Variants in STPG1 observed in about 807,000 individuals in gnomAD.
The protein encoded by STPG1 is sperm tail PG-rich repeat containing 1.
Under a neutral mutation model 40.1 loss-of-function variants are expected in STPG1, and 33 were observed. That is an observed-to-expected ratio of 0.82 (90% CI 0.62 to 1.10). STPG1 has a LOEUF of 1.10. Among genes scored for constraint, STPG1 ranks in the 50% least tolerant of loss-of-function variants. The pLI is 0.00. For synonymous variants in STPG1, 150 were observed against 155.0 expected (o/e 0.97, Z 0.24); for missense variants, 396 against 415.1 (o/e 0.95, Z 0.40).
intron 2 of STPG1, among the ~76,000 whole-genome samples, chr1:24,392,636 G>A (rs1208438937): frequency 6.6e-6 from 1 of 152,204 alleles, no homozygotes; most frequent in African/African-American, 2.4e-5. Flanking sequence ...GATCAGGTTA[G>A]GAAGGCTGTG....
chr1:24,362,698 G>C (rs577371035), intron 7 of STPG1, among the ~76,000 whole-genome samples: 105 of 152,298 alleles, frequency 6.9e-4, no homozygotes, highest in African/African-American at 2.5e-3. Context: ...AAGACTGACA[G>C]GGCCCTTCCA....
At chr1:24,412,752 T>C (rs1643758730) in intron 1 of STPG1, among the ~76,000 whole-genome samples, 1 of 152,150 alleles carries the variant, frequency 6.6e-6, no homozygotes, top group Admixed American at 6.5e-5. Context: ...TCATAAATAT[T>C]GGTGGAATGA....
intron 7 of STPG1, among the ~76,000 whole-genome samples, chr1:24,361,467 T>C (rs1013477494): frequency 1.3e-5 from 2 of 152,018 alleles, no homozygotes; most frequent in Non-Finnish European, 2.9e-5. Flanking sequence ...ATGGACTCAA[T>C]GGGAAGAGGC....
intron 6 of STPG1, 122 bp from the exon 7 acceptor site, chr1:24,369,961 T>C: frequency 1.3e-6 from 1 of 769,948 alleles, no homozygotes. Context: ...GATGGCCAAG[T>C]GGAAGGGCTG....
intron 3 of STPG1, among the ~76,000 whole-genome samples, chr1:24,388,698 A>C (rs1642620961): frequency 6.6e-6 from 1 of 152,366 alleles, no homozygotes; most frequent in African/African-American, 2.4e-5. Flanking sequence ...AGGGTGGTGA[A>C]GCCCTGGAGT....
At position 24,399,460 on chromosome 1, in the gene STPG1, A is replaced by T. The variant is rs554045959; in HGVS notation, c.70+1859T>A. 1.1e-3 allele frequency among the ~76,000 whole-genome samples: 161 copies of T among 152,308 alleles called. No homozygotes were observed. Among genetic ancestry groups the T allele is most frequent in the African/African-American group, 3.7e-3 (153 of 41,588 alleles). The stretch of plus-strand genomic sequence containing the variant: ...GGTAAAATAATAGAGTTTCTAGAAG[A>T]AACTATCTTGGGATGGGCAAAGATT... On this transcript the variant is annotated intron_variant, in intron 2 of 8. Coordinates refer to ENST00000337248, the MANE Select transcript of STPG1 (RefSeq NM_001199013.2). This position sits in a 1 kb window ranked among gnomAD's most constrained non-coding sequence, Gnocchi z 4.0.
Position 24,401,361 on chromosome 1 carries a change from G to T in STPG1, c.28C>A (p.Arg10Ser). 6.2e-7 allele frequency: 1 copy of T among 1,614,074 alleles called. No individual in the cohort carries two copies. The highest frequency in any genetic ancestry group is 8.5e-7 in the Non-Finnish European group (1 of 1,179,970). The change falls in exon 2 of 9, where the codon CGC (arginine) becomes AGC (serine). Residue 10 changes from arginine (R) to serine (S), a missense_variant. Coordinates refer to ENST00000337248, the MANE Select transcript of STPG1 (RefSeq NM_001199013.2). Reference sequence around the variant, plus strand: ...GCACGTCTGGGATGTTTGCCAGTGCGTTCATTTTTCTGTGCAGAGTTGTCC... The same window carrying T: ...GCACGTCTGGGATGTTTGCCAGTGCTTTCATTTTTCTGTGCAGAGTTGTCC... MDNSAQKNE[R>S]TGKHPRRASE...
At chr1:24,381,393 C>G (rs11249097) in intron 4 of STPG1, among the ~76,000 whole-genome samples, 60,350 of 152,060 alleles carry the variant, frequency 0.4, 12,312 homozygotes, top group African/African-American at 0.48. Flanking sequence ...CTACACACCC[C>G]TTGGTTTACT....
chr1:24,412,412 C>A (rs1643729044), intron 1 of STPG1, among the ~76,000 whole-genome samples: 1 of 152,232 alleles, frequency 6.6e-6, no homozygotes, highest in South Asian at 2.1e-4. Flanking sequence ...AAGCACCAAC[C>A]CATCTCTCTC....
intron 7 of STPG1, among the ~76,000 whole-genome samples, chr1:24,362,746 T>A (rs1271786148): frequency 6.6e-6 from 1 of 152,158 alleles, no homozygotes; most frequent in Non-Finnish European, 1.5e-5. Context: ...ACCCCCCTGG[T>A]CAGAGAGGAC....
intron 1 of STPG1, among the ~76,000 whole-genome samples, chr1:24,404,645 A>G (rs1173536173): frequency 6.6e-6 from 1 of 152,136 alleles, no homozygotes; most frequent in Non-Finnish European, 1.5e-5. Flanking sequence ...GAGCTTTGGT[A>G]ATTTGTGTAT....
chr1:24,380,366 C>A (rs1397268891), intron 4 of STPG1, among the ~76,000 whole-genome samples: 1 of 152,170 alleles, frequency 6.6e-6, no homozygotes, highest in Admixed American at 6.5e-5. Context: ...TTAACAGAAC[C>A]AATCCCACCC....
intron 7 of STPG1, chr1:24,364,327 C>T (rs1204166581): frequency 6.5e-7 from 1 of 1,549,452 alleles, no homozygotes; most frequent in Non-Finnish European, 8.7e-7. Flanking sequence ...AAATCCCAGC[C>T]CCACCACCGT....
At chr1:24,405,869 C>T (rs966605098) in intron 1 of STPG1, among the ~76,000 whole-genome samples, 1 of 152,074 alleles carries the variant, frequency 6.6e-6, no homozygotes, top group African/African-American at 2.4e-5. Context: ...TATTAGCACA[C>T]TATATTTTTT....
chr1:24,368,860 A>T (rs978033521), intron 7 of STPG1: 42 of 157,826 alleles, frequency 2.7e-4, no homozygotes, highest in Middle Eastern at 3.3e-3. Flanking sequence ...GTGCACCATC[A>T]TGCCTGGATA....
At position 24,361,166 on chromosome 1, in the gene STPG1, G is replaced by A. The variant is rs1641088451; in HGVS notation, c.738-125C>T. ...GGAAGAGGACTGGTCACGGCACTGG[G>A]GCAGAGCCCTAGCTCCACTGGTAGT... On this transcript the variant is annotated intron_variant, in intron 7 of 8. Transcript: ENST00000337248. The A allele has an allele frequency of 7.4e-6, 6 of 808,336 alleles. No homozygotes were observed. In the East Asian group the frequency reaches 1.7e-4, roughly 23 times the overall value. The allele number at this position is 808,336 out of a possible 1,614,324, so 50.1% of individuals were successfully genotyped here. A position where few individuals can be genotyped will look rare whatever the true frequency, so the allele number is the denominator to read the frequency against.
intron 5 of STPG1, among the ~76,000 whole-genome samples, chr1:24,378,054 C>T (rs989978369): frequency 6.6e-6 from 1 of 150,492 alleles, no homozygotes; most frequent in African/African-American, 2.5e-5. Context: ...CTGATTATGC[C>T]GAGGGAAGAC....
At chr1:24,385,685 CCA>C in intron 3 of STPG1, among the ~76,000 whole-genome samples, 1 of 152,152 alleles carries the variant, frequency 6.6e-6, no homozygotes, top group East Asian at 1.9e-4. Context: ...GGCATTCTGA[CCA>C]CAGAGTCTGC....
intron 7 of STPG1, among the ~76,000 whole-genome samples, chr1:24,361,469 G>C (rs1641112011): frequency 6.6e-6 from 1 of 152,090 alleles, no homozygotes; most frequent in Non-Finnish European, 1.5e-5. Flanking sequence ...GGACTCAATG[G>C]GAAGAGGCCT....
Sources: allele counts gnomAD v4.1 joint callset (sites outside exome capture counted in the v4.1 genomes callset), GRCh38; gene constraint gnomAD v4.1.1; non-coding constraint Gnocchi (gnomAD v3.1); transcripts MANE v1.5; gene names NCBI Gene and HGNC (gene_info 2026-07-23, HGNC 2026-07-21).